SAMD11: variants seen among roughly 807,000 people sequenced by gnomAD.
The protein encoded by SAMD11 is sterile alpha motif domain containing 11.
A neutral mutation model predicts 64.4 loss-of-function variants in SAMD11; 77 were observed. That is an observed-to-expected ratio of 1.20 (90% CI 0.99 to 1.44). SAMD11 has a LOEUF of 1.44. SAMD11 is among the 40% of genes most tolerant of loss of function. The pLI is 0.00. For synonymous variants in SAMD11, 658 were observed against 421.9 expected, an observed-to-expected ratio of 1.56 and a Z score of -6.86; for missense variants, 1,402 against 943.3, an observed-to-expected ratio of 1.49 and a Z score of -6.37.
Position 927,935 on chromosome 1 carries a change from C to T in SAMD11, c.609+1922C>T, listed in dbSNP as rs137986585. 5.5e-3 allele frequency among the ~76,000 whole-genome samples: 844 copies of T among 152,364 alleles called. 6 individuals carry two copies. The highest frequency in any genetic ancestry group is 0.019 in the African/African-American group (795 of 41,582). ...TGGGGTGCCGGTGTGTCCCCACGCC[C>T]GACTCTGCGCATCACGGGGCTGAGG... is the stretch of plus-strand genomic sequence containing the variant. On this transcript the variant is annotated intron_variant, in intron 2 of 13. Coordinates refer to ENST00000616016, the MANE Select transcript of SAMD11 (RefSeq NM_001385641.1).
At chr1:932,838 G>C (rs897082612) in intron 4 of SAMD11, among the ~76,000 whole-genome samples, 12 of 152,242 alleles carry the variant, frequency 7.9e-5, no homozygotes, top group Non-Finnish European at 1.8e-4. Context: ...TCAGGAACCC[G>C]GGGTGGCAGA....
chr1:940,293 G>GCCCCCC (rs1641676854), intron 7 of SAMD11: 2 of 37,010 alleles, frequency 5.4e-5, no homozygotes, highest in East Asian at 9.5e-4. Context: ...AGGCCGCGCC[G>GCCCCCC]CCGCCCCCCC....
chr1:939,303 G>C lies in SAMD11; in HGVS notation c.1086G>C (p.Gly362=), dbSNP rs746152397. 6.2e-7 allele frequency: 1 copy of C among 1,609,970 alleles called. No homozygotes were observed. The highest frequency in any genetic ancestry group is 1.1e-5 in the South Asian group (1 of 90,422). Residue 362 remains glycine (G), a synonymous_variant, in exon 7 of 14, where the codon GGG becomes GGC. Transcript: ENST00000616016. Reference sequence around the variant, plus strand: ...CGCTGCTGCTGCCGCGGGAGCTGGGGCCCAGCATGGCCCCGGAGGACCATT... The same window carrying C: ...CGCTGCTGCTGCCGCGGGAGCTGGGCCCCAGCATGGCCCCGGAGGACCATT... ...QEALLLPREL[G]PSMAPEDHYR...
Position 939,411 on chromosome 1 carries a change from C to A in SAMD11, c.1194C>A (p.His398Gln). 2 of 1,442,302 alleles carry A rather than the reference C, an allele frequency of 1.4e-6. No homozygotes were observed. The highest frequency in any genetic ancestry group is 1.9e-6 in the Non-Finnish European group (2 of 1,044,644). 89.3% of individuals were successfully genotyped at this position (1,442,302 alleles called of 1,614,324 possible). ...TCTACCACCTGGGCCTCCCCAGCCA[C>A]GGTGAGGACCCACCCTGGCATGATC... is the stretch of plus-strand genomic sequence containing the variant. ...QRLYHLGLPS[H>Q]DLLRVRQEVA... The change falls in exon 7 of 14, where the codon CAC (histidine) becomes CAA (glutamine). Residue 398 changes from histidine to glutamine, a missense_variant and splice_region_variant. Coordinates refer to ENST00000616016, the MANE Select transcript of SAMD11 (RefSeq NM_001385641.1).
At position 930,237 on chromosome 1, in the gene SAMD11, C is replaced by G. The variant is rs1641107000; in HGVS notation, c.692C>G (p.Ser231Cys). 1.3e-6 allele frequency: 2 copies of G among 1,599,332 alleles called. No individual in the cohort carries two copies. The highest frequency in any genetic ancestry group is 3.4e-5 in the Admixed American group (2 of 58,014). The change falls in exon 3 of 14, where the codon TCT becomes TGT. Residue 231 changes from serine to cysteine, a missense_variant. Physicochemically the swap from Ser to Cys is moderately radical, Grantham distance 112. Coordinates refer to ENST00000616016, the MANE Select transcript of SAMD11 (RefSeq NM_001385641.1). ...AAGAAGGAGCGAACTCCCAGCTTCT[C>G]TGCCAGCGATGGTGACAGCGACGGG... ...NLKKERTPSFSASDGDSDGSG... is the reference protein window; with the variant it reads ...NLKKERTPSFCASDGDSDGSG...
chr1:943,577 C>G (rs1641955952), intron 12 of SAMD11, 121 bp from the exon 13 acceptor site: 1 of 1,000,460 alleles, frequency 1.0e-6, no homozygotes, highest in African/African-American at 1.7e-5. Context: ...GACACTCAAA[C>G]CCAACAGATC....
At chr1:942,078 G>A in intron 8 of SAMD11, 58 bp from the exon 9 acceptor site, 1 of 510,222 alleles carries the variant, frequency 2.0e-6, no homozygotes, top group Admixed American at 4.1e-5. Flanking sequence ...GAGGGGCGCC[G>A]GGGCCTTTAC....
Position 930,192 on chromosome 1 carries a change from T to C in SAMD11, c.647T>C (p.Leu216Pro), listed in dbSNP as rs1641103418. Residue 216 changes from leucine to proline, a missense_variant, in exon 3 of 14, where the codon CTG (leucine) becomes CCG (proline). Transcript: ENST00000616016. The stretch of plus-strand genomic sequence containing the variant: ...CTGGCAGACAAGAGGACAGTCGCCC[T>C]GCCTGCCGCCCGGAACCTGAAGAAG... ...GRLADKRTVA[L>P]PAARNLKKER... 1 of 1,563,494 alleles carries C rather than the reference T, an allele frequency of 6.4e-7. No individual in the cohort carries two copies. The highest frequency in any genetic ancestry group is 8.7e-7 in the Non-Finnish European group (1 of 1,154,066).
rs745968834 is a variant in SAMD11 at position 942,929 on chromosome 1, G to A, written c.1924G>A (p.Val642Ile). Residue 642 changes from valine to isoleucine, a missense_variant, in exon 11 of 14, where the codon GTT becomes ATT. Coordinates refer to ENST00000616016, the MANE Select transcript of SAMD11 (RefSeq NM_001385641.1). ...SDGEDPETAAVGCRGPTPGQA... is the reference protein window; with the variant it reads ...SDGEDPETAAIGCRGPTPGQA... ...CGGAGAGGACCCCGAGACGGCAGCTGTTGGGTGCAGGGGGCCCACTCCGGG... is the reference window on the plus strand; with the variant it reads ...CGGAGAGGACCCCGAGACGGCAGCTATTGGGTGCAGGGGGCCCACTCCGGG... 125 of 1,555,118 alleles carry A rather than the reference G, an allele frequency of 8.0e-5. No homozygotes were observed. Among genetic ancestry groups the A allele is most frequent in the Admixed American group, 1.8e-4 (9 of 50,536 alleles).
intron 4 of SAMD11, among the ~76,000 whole-genome samples, chr1:935,256 CCGGTG>C (rs1169377406): frequency 6.6e-6 from 1 of 152,142 alleles, no homozygotes; most frequent in Non-Finnish European, 1.5e-5. Flanking sequence ...CACGTGTCTG[CCGGTG>C]CCGTGTGTGC....
intron 5 of SAMD11, 33 bp downstream of exon 5, chr1:935,929 G>A (rs746676734): frequency 1.2e-5 from 19 of 1,600,846 alleles, no homozygotes; most frequent in Admixed American, 1.7e-5. Flanking sequence ...GGGCGGGGTC[G>A]GGGCTGTGGG....
Position 942,418 on chromosome 1 carries a change from T to C in SAMD11, c.1483T>C (p.Phe495Leu). The C allele has an allele frequency of 6.8e-7, 1 of 1,476,932 alleles. No individual in the cohort carries two copies. Among genetic ancestry groups the C allele is most frequent in the Non-Finnish European group, 8.9e-7 (1 of 1,118,716 alleles). The allele number at this position is 1,476,932 out of a possible 1,614,324, so 91.5% of individuals were successfully genotyped here. ...SALCQTPGYG[F>L]LPPAQAEMFA... ...GTCCCCCTCCCCACCAGGCTACGGC[T>C]TCCTGCCCCCCGCGCAGGCGGAGAT... is the stretch of plus-strand genomic sequence containing the variant. Residue 495 changes from phenylalanine (F) to leucine (L), a missense_variant, in exon 10 of 14, where the codon TTC (phenylalanine) becomes CTC (leucine). Phe to Leu is a conservative substitution (Grantham distance 22). Coordinates refer to ENST00000616016, the MANE Select transcript of SAMD11 (RefSeq NM_001385641.1).
At chr1:940,665 G>A (rs1039201389) in intron 7 of SAMD11, among the ~76,000 whole-genome samples, 4 of 152,006 alleles carry the variant, frequency 2.6e-5, no homozygotes, top group Non-Finnish European at 4.4e-5. Context: ...GGCGACCCCT[G>A]TGCTAGTGTG....
rs747833050 is a variant in SAMD11 at position 939,310 on chromosome 1, A to G, written c.1093A>G (p.Met365Val). 2 of 1,610,938 alleles carry G rather than the reference A, an allele frequency of 1.2e-6. No homozygotes were observed. Among genetic ancestry groups the G allele is most frequent in the Non-Finnish European group, 1.7e-6 (2 of 1,179,256 alleles). ...GCTGCCGCGGGAGCTGGGGCCCAGC[A>G]TGGCCCCGGAGGACCATTACCGCCG... ...LLLPRELGPS[M>V]APEDHYRRLV... Residue 365 changes from methionine (M) to valine (V), a missense_variant, in exon 7 of 14, where the codon ATG becomes GTG. Met to Val is a conservative substitution (Grantham distance 21). Transcript: ENST00000616016.
intron 7 of SAMD11, among the ~76,000 whole-genome samples, chr1:940,036 C>T (rs1641662568): frequency 6.6e-6 from 1 of 152,158 alleles, no homozygotes; most frequent in Admixed American, 6.5e-5. Flanking sequence ...AGGCCCCAGC[C>T]GCCCGCCTGG....
At chr1:940,299 C>CCCCA (rs1553159945) in intron 7 of SAMD11, 1 of 20,574 alleles carries the variant, frequency 4.9e-5, no homozygotes, top group Non-Finnish European at 1.4e-4. Context: ...CGCCGCCGCC[C>CCCCA]CCCCCCCCCG....
rs948992906 is a variant in SAMD11 at position 943,318 on chromosome 1, A to G, written c.2119A>G (p.Thr707Ala). ...APAPEDVTKW[T>A]VDDVCSFVGG... is the part of the protein sequence containing the mutation. The stretch of plus-strand genomic sequence containing the variant: ...AGCCCCTGAGGACGTCACCAAGTGG[A>G]CCGTGGATGACGTCTGCAGCTTCGT... The change falls in exon 12 of 14, where the codon ACC becomes GCC. Residue 707 changes from threonine to alanine, a missense_variant. Coordinates refer to ENST00000616016, the MANE Select transcript of SAMD11 (RefSeq NM_001385641.1). 6.2e-7 allele frequency: 1 copy of G among 1,610,930 alleles called. No individual in the cohort carries two copies. Among genetic ancestry groups the G allele is most frequent in the Admixed American group, 1.7e-5 (1 of 59,770 alleles).
In SAMD11 at chr1:939,078, A is replaced by G. The variant is rs769194299; in HGVS notation, c.1006A>G (p.Ile336Val). The change falls in exon 6 of 14, where the codon ATC becomes GTC. Residue 336 changes from isoleucine (I) to valine (V), a missense_variant. Ile to Val is a conservative substitution (Grantham distance 29). Coordinates refer to ENST00000616016, the MANE Select transcript of SAMD11 (RefSeq NM_001385641.1). ...LGKRLGRSPR[I>V]SSDCFSEKRA... ...CAAGAGGCTGGGCCGCTCCCCCCGT[A>G]TCAGCAGCGACTGCTTTTCAGAGAA... is the stretch of plus-strand genomic sequence containing the variant. The G allele has an allele frequency of 3.1e-6, 5 of 1,606,150 alleles. No homozygotes were observed. In the South Asian group the frequency reaches 5.6e-5, roughly 18 times the overall value.
Position 944,419 on chromosome 1 carries a change from G to A in SAMD11, c.*266G>A, listed in dbSNP as rs1384094699. 7.1e-6 allele frequency: 8 copies of A among 1,130,078 alleles called. No homozygotes were observed. The East Asian group carries it at 2.1e-4, about 30-fold the overall frequency. The allele number at this position is 1,130,078 out of a possible 1,614,324, so 70.0% of individuals were successfully genotyped here. A position where few individuals can be genotyped will look rare whatever the true frequency, so the allele number is the denominator to read the frequency against. The stretch of plus-strand genomic sequence containing the variant: ...GCCTGCAGGCCTCCCCCTGGAACTG[G>A]GACTGGTCTCGGTCTGCTGACGTCA... On this transcript the variant is annotated 3_prime_UTR_variant, in exon 14 of 14. Coordinates refer to ENST00000616016, the MANE Select transcript of SAMD11 (RefSeq NM_001385641.1).
Sources: gnomAD v4.1 joint callset for allele counts (sites outside exome capture counted in the v4.1 genomes callset) on GRCh38, gnomAD v4.1.1 for gene constraint, MANE v1.5 for transcripts, NCBI Gene and HGNC (gene_info 2026-07-23, HGNC 2026-07-21) for gene names.